The following DOK5 variants were observed in gnomAD, a reference collection of about 807,000 sequenced individuals.
The protein encoded by DOK5 is downstream of tyrosine kinase 5.
DOK5 carries 27 observed loss-of-function variants against 43.3 expected under a neutral mutation model. The observed-to-expected ratio is 0.62, with a 90% confidence interval of 0.46 to 0.86. The LOEUF is 0.86. DOK5 is among the 40% of genes least tolerant of loss of function. The probability of loss-of-function intolerance (pLI) is 0.00; values close to 1 mark genes in which losing one functional copy is unlikely to be tolerated. For missense variants in DOK5, 373 were observed against 392.9 expected, an observed-to-expected ratio of 0.95 and a Z score of 0.43; for synonymous variants, 146 against 140.1, an observed-to-expected ratio of 1.04 and a Z score of -0.30.
chr20:54,493,304 A>C (rs1483326944), intron 1 of DOK5, among the ~76,000 whole-genome samples: 1 of 152,050 alleles, frequency 6.6e-6, no homozygotes, highest in Non-Finnish European at 1.5e-5. Context: ...CATACTACCC[A>C]AAATCAGTGC....
At chr20:54,577,827 G>A (rs1360343569) in intron 2 of DOK5, among the ~76,000 whole-genome samples, 2 of 152,202 alleles carry the variant, frequency 1.3e-5, no homozygotes, top group Non-Finnish European at 2.9e-5. Context: ...GAAGCTCAAG[G>A]AGGGAGGGAC....
At position 54,488,777 on chromosome 20, in the gene DOK5, C is replaced by T. The variant is rs191788832; in HGVS notation, c.66+12765C>T. 5.7e-3 allele frequency among the ~76,000 whole-genome samples: 828 copies of T among 145,806 alleles called. 16 individuals carry two copies. The highest frequency in any genetic ancestry group is 0.02 in the African/African-American group (780 of 38,900). On this transcript the variant is annotated intron_variant, in intron 1 of 7. Transcript: ENST00000262593. ...TCTTTCCCTACCCCTCCCCTCCCTC[C>T]CCTCGTCCCTCCCTCCCTTCCTACC...
At chr20:54,517,550 AAAT>A (rs1239738676) in intron 1 of DOK5, among the ~76,000 whole-genome samples, 2 of 152,198 alleles carry the variant, frequency 1.3e-5, no homozygotes, top group Admixed American at 6.5e-5. Flanking sequence ...TAGTAAAATA[AAAT>A]AATAATGTTT....
At chr20:54,485,270 G>T (rs1981885032) in intron 1 of DOK5, among the ~76,000 whole-genome samples, 2 of 151,434 alleles carry the variant, frequency 1.3e-5, no homozygotes, top group African/African-American at 4.9e-5. Context: ...AGCGGCGGAG[G>T]TTGCAGTGAG....
intron 6 of DOK5, among the ~76,000 whole-genome samples, chr20:54,621,402 G>C (rs115454383): frequency 7.2e-5 from 11 of 152,176 alleles, no homozygotes; most frequent in Non-Finnish European, 1.3e-4. Context: ...ACATAAAAAT[G>C]CATGATTGGC....
chr20:54,619,913 G>A (rs79484110), intron 6 of DOK5, among the ~76,000 whole-genome samples: 510 of 152,168 alleles, frequency 3.4e-3, no homozygotes, highest in African/African-American at 0.012. Context: ...GTAGACCCTC[G>A]CATGGTGGAG....
chr20:54,588,930 C>CT (rs1439354268), intron 4 of DOK5, 124 bp downstream of exon 4: 2 of 990,550 alleles, frequency 2.0e-6, no homozygotes, highest in African/African-American at 3.3e-5. Context: ...AATAAGTAAT[C>CT]TTTTATCTAA....
intron 5 of DOK5, among the ~76,000 whole-genome samples, chr20:54,608,304 G>A (rs575190457): frequency 2.6e-5 from 4 of 152,102 alleles, no homozygotes; most frequent in South Asian, 2.1e-4. Context: ...GAAACCAGTG[G>A]CCACTTTTTC....
intron 1 of DOK5, among the ~76,000 whole-genome samples, chr20:54,539,942 A>G (rs541331532): frequency 6.6e-6 from 1 of 152,350 alleles, no homozygotes; most frequent in African/African-American, 2.4e-5. Context: ...AGCGGAGGAA[A>G]TATTCTCTTA....
At chr20:54,556,389 A>C (rs6023357) in intron 2 of DOK5, among the ~76,000 whole-genome samples, 35,395 of 152,152 alleles carry the variant, frequency 0.23, 6,182 homozygotes, top group African/African-American at 0.5. Flanking sequence ...TGTTGAATTG[A>C]AAATGTATTA....
chr20:54,614,355 CGAGA>C (rs1261907712), intron 6 of DOK5, among the ~76,000 whole-genome samples: 1 of 151,990 alleles, frequency 6.6e-6, no homozygotes, highest in Non-Finnish European at 1.5e-5. Flanking sequence ...GAGGGGAATG[CGAGA>C]GAGAGTGAGA....
At chr20:54,476,045 C>T (rs1445561845) in intron 1 of DOK5, 33 bp downstream of exon 1, 12 of 1,610,352 alleles carry the variant, frequency 7.5e-6, no homozygotes, top group Non-Finnish European at 4.2e-6. Flanking sequence ...TTGCTGTTCG[C>T]CGGTTCGATT....
chr20:54,489,208 T>G (rs1278608308), intron 1 of DOK5, among the ~76,000 whole-genome samples: 3 of 152,238 alleles, frequency 2.0e-5, no homozygotes, highest in African/African-American at 7.2e-5. Flanking sequence ...TCCATTAAAA[T>G]TAAATTTTAT....
At chr20:54,616,784 CTTTTTTTTTT>C (rs550110589) in intron 6 of DOK5, among the ~76,000 whole-genome samples, 1,398 of 105,762 alleles carry the variant, frequency 0.013, 24 homozygotes, top group African/African-American at 0.052. Context: ...TTTTTTTTTT[CTTTTTTTTTT>C]TTTTTTGTGT....
chr20:54,555,866 T>C (rs1053799123), intron 2 of DOK5, among the ~76,000 whole-genome samples: 3 of 152,214 alleles, frequency 2.0e-5, no homozygotes, highest in Non-Finnish European at 2.9e-5. Flanking sequence ...GCCAGGCTTC[T>C]TTGCCATTTA....
chr20:54,578,941 A>G (rs1985543698), intron 2 of DOK5, among the ~76,000 whole-genome samples: 2 of 152,134 alleles, frequency 1.3e-5, no homozygotes, highest in Admixed American at 6.5e-5. Context: ...GTTAAAATCT[A>G]TTGTCATTCC....
At chr20:54,504,148 A>C (rs6023313) in intron 1 of DOK5, among the ~76,000 whole-genome samples, 5,028 of 152,028 alleles carry the variant, frequency 0.033, 277 homozygotes, top group African/African-American at 0.12. Flanking sequence ...AATATGGCTA[A>C]CTTTGTCCAC....
At chr20:54,543,839 A>C (rs753645017) in intron 1 of DOK5, among the ~76,000 whole-genome samples, 13 of 152,224 alleles carry the variant, frequency 8.5e-5, no homozygotes, top group Non-Finnish European at 1.6e-4. Context: ...CCTCTAGTTT[A>C]CACATTTGCC....
intron 1 of DOK5, among the ~76,000 whole-genome samples, chr20:54,551,374 G>A (rs1329243096): frequency 6.6e-6 from 1 of 152,090 alleles, no homozygotes; most frequent in Admixed American, 6.5e-5. Flanking sequence ...TCTTCACAGA[G>A]TTTTTCACAT....
Sources: allele counts gnomAD v4.1 joint callset (sites outside exome capture counted in the v4.1 genomes callset), GRCh38; gene constraint gnomAD v4.1.1; transcripts MANE v1.5; gene names NCBI Gene and HGNC (gene_info 2026-07-23, HGNC 2026-07-21).